NPRL3: variants seen among roughly 807,000 people sequenced by gnomAD.
The protein encoded by NPRL3 is NPR3 like, GATOR1 complex subunit.
In NPRL3, 23 loss-of-function variants were observed where a neutral mutation model predicts 57.2. The ratio of observed to expected loss-of-function variants is 0.40; its 90% CI spans 0.29 to 0.57. The LOEUF (loss-of-function observed/expected upper bound fraction) is 0.57, where lower values mean the gene tolerates loss of function less well. NPRL3 is among the 20% of genes least tolerant of loss of function. The probability of loss-of-function intolerance (pLI) is 0.42; values close to 1 mark genes in which losing one functional copy is unlikely to be tolerated. For synonymous variants in NPRL3, 333 were observed against 321.1 expected (o/e 1.04, Z -0.39); for missense variants, 691 against 767.1 (o/e 0.90, Z 1.17).
At position 89,794 on chromosome 16, in the gene NPRL3, G is replaced by T. The variant is rs886037961; in HGVS notation, c.1270C>A (p.Arg424=). 6.3e-7 allele frequency: 1 copy of T among 1,599,194 alleles called. No individual in the cohort carries two copies. The highest frequency in any genetic ancestry group is 1.3e-5 in the African/African-American group (1 of 74,342). ...ASPSEEEPRP[R]EDDVPFTARV... ...GCAGTGAAGGGGACGTCGTCCTCTC[G>T]CGGACGGGGCTCCTCCTCGCTGGGT... Residue 424 remains arginine, a synonymous_variant, in exon 12 of 14, where the codon CGA becomes AGA. Coordinates refer to ENST00000611875, the MANE Select transcript of NPRL3 (RefSeq NM_001077350.3).
rs35209663 is a variant in NPRL3 at position 87,539 on chromosome 16, C to CTT, written c.1545-671_1545-670dup. On this transcript the variant is annotated intron_variant, in intron 13 of 13. Transcript: ENST00000611875. ...ACCGTGAGCCACTGTGCCCAGCCTGCTTTTTTTTTTTTGAGACGGAGTCTC... is the reference window on the plus strand; with the variant it reads ...ACCGTGAGCCACTGTGCCCAGCCTGCTTTTTTTTTTTTTTGAGACGGAGTCTC... Among the ~76,000 whole-genome samples, 485 of 145,676 alleles carry CTT rather than the reference C, an allele frequency of 3.3e-3. 5 individuals are homozygous for CTT. The highest frequency in any genetic ancestry group is 0.019 in the Admixed American group (286 of 14,798).
intron 7 of NPRL3, among the ~76,000 whole-genome samples, chr16:107,087 G>A (rs1326985569): frequency 6.6e-6 from 1 of 152,208 alleles, no homozygotes; most frequent in Non-Finnish European, 1.5e-5. Context: ...TTGGATGGAG[G>A]AAATGTGATC....
At chr16:94,539 C>T (rs376379402) in intron 9 of NPRL3, among the ~76,000 whole-genome samples, 2 of 152,180 alleles carry the variant, frequency 1.3e-5, no homozygotes, top group Non-Finnish European at 2.9e-5. Flanking sequence ...GCCTGAACCT[C>T]GGAGTTCGAG....
intron 8 of NPRL3, among the ~76,000 whole-genome samples, chr16:99,959 C>CAAAAAAAAAAAAAAAAAGAAAAA (rs1899200882): frequency 1.6e-5 from 1 of 61,022 alleles, no homozygotes; most frequent in African/African-American, 5.1e-5. Flanking sequence ...CACACCCCCG[C>CAAAAAAAAAAAAAAAAAGAAAAA]AAAAAAAAAA....
At chr16:119,351 C>T (rs1308085215) in intron 3 of NPRL3, 96 bp from the exon 4 acceptor site, 14 of 1,255,968 alleles carry the variant, frequency 1.1e-5, no homozygotes, top group African/African-American at 1.0e-4. Context: ...CAGTAAACTG[C>T]ACCTTCATGG....
At chr16:103,607 T>G (rs1258808332) in intron 7 of NPRL3, among the ~76,000 whole-genome samples, 3 of 152,076 alleles carry the variant, frequency 2.0e-5, no homozygotes, top group East Asian at 1.9e-4. Flanking sequence ...AGCACCAGTT[T>G]AGGTACTTGG....
intron 7 of NPRL3, among the ~76,000 whole-genome samples, chr16:102,656 C>T (rs1166773442): frequency 1.3e-5 from 2 of 152,200 alleles, no homozygotes; most frequent in African/African-American, 4.8e-5. Context: ...GTTGGCGGGA[C>T]AGGCCAACAC....
intron 3 of NPRL3, chr16:125,707 C>G (rs1900486729): frequency 6.6e-6 from 1 of 152,294 alleles, no homozygotes; most frequent in Non-Finnish European, 1.5e-5. Flanking sequence ...TGTCCCTTTA[C>G]ACTGCCCTGC....
intron 5 of NPRL3, among the ~76,000 whole-genome samples, chr16:115,519 CTT>C (rs10573551): frequency 0.38 from 55,754 of 147,838 alleles, 11,555 homozygotes; most frequent in Non-Finnish European, 0.48. Context: ...GAGTTTCGCT[CTT>C]GTTGCCCAGA....
At chr16:107,576 C>T (rs1309555851) in intron 7 of NPRL3, among the ~76,000 whole-genome samples, 1 of 110,712 alleles carries the variant, frequency 9.0e-6, no homozygotes, top group Non-Finnish European at 1.7e-5. Context: ...GCCTGGGCAA[C>T]AGAAGGATAT....
intron 3 of NPRL3, among the ~76,000 whole-genome samples, chr16:123,334 G>A (rs945941958): frequency 3.3e-5 from 5 of 152,140 alleles, no homozygotes; most frequent in Non-Finnish European, 7.4e-5. Context: ...AGAAAAAGCC[G>A]GGGTGGTGGG....
chr16:128,378 C>G (rs999379925), intron 3 of NPRL3, among the ~76,000 whole-genome samples: 3 of 152,202 alleles, frequency 2.0e-5, no homozygotes, highest in Admixed American at 2.0e-4. Flanking sequence ...AGGCAGGCCA[C>G]GACCACTCAC....
At chr16:132,022 T>C (rs1900833807) in intron 2 of NPRL3, among the ~76,000 whole-genome samples, 1 of 136,490 alleles carries the variant, frequency 7.3e-6, no homozygotes, top group Non-Finnish European at 1.6e-5. Flanking sequence ...TTTTTTTTTT[T>C]TGAGACAGGG....
In NPRL3 at chr16:88,780, C is replaced by T; in HGVS notation, c.1462G>A (p.Ala488Thr). 6.2e-7 allele frequency: 1 copy of T among 1,611,992 alleles called. No homozygotes were observed. The highest frequency in any genetic ancestry group is 8.5e-7 in the Non-Finnish European group (1 of 1,179,550). The stretch of plus-strand genomic sequence containing the variant: ...GCGCGTTCATGCTCCGACAGGCTGG[C>T]CAGCAGGTTCTCCGTCATCCTCTGG... ...LNQRMTENLL[A>T]SLSEHERAAI... Residue 488 changes from alanine (A) to threonine (T), a missense_variant, in exon 13 of 14, where the codon GCC becomes ACC. Coordinates refer to ENST00000611875, the MANE Select transcript of NPRL3 (RefSeq NM_001077350.3).
intron 4 of NPRL3, 95 bp downstream of exon 4, chr16:119,031 C>T: frequency 6.8e-7 from 1 of 1,471,850 alleles, no homozygotes; most frequent in Non-Finnish European, 9.0e-7. Flanking sequence ...CACACCTGCC[C>T]AAGGAGAGCC....
chr16:127,846 G>C (rs1303982747), intron 3 of NPRL3, among the ~76,000 whole-genome samples: 1 of 151,210 alleles, frequency 6.6e-6, no homozygotes, highest in Non-Finnish European at 1.5e-5. Flanking sequence ...AGTAGAGATG[G>C]GGTTTCACCG....
At chr16:107,594 CAAA>C (rs11309723) in intron 7 of NPRL3, among the ~76,000 whole-genome samples, 87 of 130,666 alleles carry the variant, frequency 6.7e-4, no homozygotes, top group Admixed American at 7.5e-4. Context: ...TATTCCATCT[CAAA>C]AAAAAAAAAA....
Position 138,150 on chromosome 16 carries a change from T to C in NPRL3, c.118A>G (p.Ser40Gly), listed in dbSNP as rs1901205892. Residue 40 changes from serine to glycine, a missense_variant and splice_region_variant, in exon 2 of 14, where the codon AGT becomes GGT. Physicochemically the swap from Ser to Gly is moderately conservative, Grantham distance 56. Coordinates refer to ENST00000611875, the MANE Select transcript of NPRL3 (RefSeq NM_001077350.3). ...RSQEHPASQT[S>G]KPRSRYAASN... ...AGGCCCCCGCCCAGCGCTCACTTAC[T>C]TGTCTGGGACGCCGGGTGCTCCTGG... 6.3e-7 allele frequency: 1 copy of C among 1,598,034 alleles called. No individual in the cohort carries two copies. Among genetic ancestry groups the C allele is most frequent in the African/African-American group, 1.3e-5 (1 of 74,466 alleles).
chr16:124,099 C>G (rs1406576695), intron 3 of NPRL3, among the ~76,000 whole-genome samples: 1 of 3,092 alleles, frequency 3.2e-4, no homozygotes, highest in Non-Finnish European at 7.1e-4. Flanking sequence ...AAACAGATCA[C>G]ACACTCCCAA....
Sources: gnomAD v4.1 joint callset for allele counts (sites outside exome capture counted in the v4.1 genomes callset) on GRCh38, gnomAD v4.1.1 for gene constraint, MANE v1.5 for transcripts, NCBI Gene and HGNC (gene_info 2026-07-23, HGNC 2026-07-21) for gene names.